The following NELL1 variants were observed in gnomAD, a reference collection of about 807,000 sequenced individuals.
The protein encoded by NELL1 is protein kinase C-binding protein NELL1.
Under a neutral mutation model 107.4 loss-of-function variants are expected in NELL1, and 76 were observed. The ratio of observed to expected loss-of-function variants is 0.71; its 90% CI spans 0.59 to 0.86. NELL1 has a LOEUF of 0.86. Among genes scored for constraint, NELL1 ranks in the 40% least tolerant of loss-of-function variants. The pLI, the probability that NELL1 is intolerant of heterozygous loss-of-function variation, is 0.00. For synonymous variants in NELL1, 353 were observed against 341.2 expected (o/e 1.03, Z -0.38); for missense variants, 1,024 against 1,005.5 (o/e 1.02, Z -0.25).
chr11:20,945,330 C>T (rs1263240606), intron 10 of NELL1, among the ~76,000 whole-genome samples: 1 of 152,208 alleles, frequency 6.6e-6, no homozygotes, highest in East Asian at 1.9e-4. Context: ...TGTCTCTCTT[C>T]GAGGTAAAGA....
intron 15 of NELL1, among the ~76,000 whole-genome samples, chr11:21,485,586 A>G (rs1854605965): frequency 6.6e-6 from 1 of 151,088 alleles, no homozygotes; most frequent in Admixed American, 6.6e-5. Context: ...GAGCTGCTGT[A>G]GGACCGAGGT....
At chr11:21,140,893 T>C (rs1017953373) in intron 13 of NELL1, among the ~76,000 whole-genome samples, 3 of 152,102 alleles carry the variant, frequency 2.0e-5, no homozygotes, top group African/African-American at 7.2e-5. Context: ...TAAACCCTGA[T>C]CATCAGACTC....
intron 2 of NELL1, among the ~76,000 whole-genome samples, chr11:20,716,390 C>T (rs775621572): frequency 3.3e-5 from 5 of 152,250 alleles, no homozygotes; most frequent in Non-Finnish European, 7.3e-5. Context: ...AACCCTGTAG[C>T]TGTCTCTCAG....
intron 12 of NELL1, among the ~76,000 whole-genome samples, chr11:20,985,090 G>A: frequency 6.6e-6 from 1 of 152,062 alleles, no homozygotes; most frequent in Non-Finnish European, 1.5e-5. Context: ...ATTAAACTGG[G>A]TCAAGTTAAT....
chr11:21,395,184 A>G (rs915500962), intron 15 of NELL1, among the ~76,000 whole-genome samples: 1 of 151,512 alleles, frequency 6.6e-6, no homozygotes, highest in African/African-American at 2.4e-5. Flanking sequence ...AGGAAGGAGA[A>G]ATCTAGAAGA....
At chr11:20,880,511 G>A (rs918522251) in intron 4 of NELL1, among the ~76,000 whole-genome samples, 8 of 152,118 alleles carry the variant, frequency 5.3e-5, no homozygotes, top group South Asian at 4.1e-4. Context: ...AGTAGACTGC[G>A]GAACTGCGAT....
intron 14 of NELL1, among the ~76,000 whole-genome samples, chr11:21,254,394 G>A (rs1858717476): frequency 6.6e-6 from 1 of 152,012 alleles, no homozygotes; most frequent in African/African-American, 2.4e-5. Context: ...TTAATAGGTG[G>A]CTTAAAAAAT....
chr11:20,831,988 C>T (rs958763649), intron 3 of NELL1, among the ~76,000 whole-genome samples: 3 of 152,120 alleles, frequency 2.0e-5, no homozygotes, highest in Admixed American at 1.3e-4. Context: ...GGGAATTCAG[C>T]GTAGGGGGTG....
intron 15 of NELL1, among the ~76,000 whole-genome samples, chr11:21,532,071 A>G (rs1025409287): frequency 1.3e-5 from 2 of 152,212 alleles, no homozygotes; most frequent in Non-Finnish European, 2.9e-5. Context: ...AGAAATGTAC[A>G]GCCTAGGCAC....
At position 21,485,051 on chromosome 11, in the gene NELL1, G is replaced by A. The variant is rs547251050; in HGVS notation, c.1646-49323G>A. Reference sequence around the variant, plus strand: ...CATAAGGAAAGGGTGAGTGAGTGACGTCAGGGTTTCATATACTTGCCATGT... The same window carrying A: ...CATAAGGAAAGGGTGAGTGAGTGACATCAGGGTTTCATATACTTGCCATGT... On this transcript the variant is annotated intron_variant, in intron 15 of 19. Coordinates refer to ENST00000357134, the MANE Select transcript of NELL1 (RefSeq NM_006157.5). Among the ~76,000 whole-genome samples, 11 of 152,252 alleles carry A rather than the reference G, an allele frequency of 7.2e-5. No homozygotes were observed. In the South Asian group the frequency reaches 1.9e-3, roughly 26 times the overall value.
intron 12 of NELL1, among the ~76,000 whole-genome samples, chr11:20,963,388 T>A (rs1851327668): frequency 6.6e-6 from 1 of 152,144 alleles, no homozygotes; most frequent in Non-Finnish European, 1.5e-5. Context: ...GAGAATGAGA[T>A]GGCCATCACT....
Position 20,755,890 on chromosome 11 carries a change from T to G in NELL1, c.185-27790T>G, listed in dbSNP as rs797014832. 2.9e-3 allele frequency among the ~76,000 whole-genome samples: 386 copies of G among 131,710 alleles called. 2 individuals are homozygous for G. Among genetic ancestry groups the G allele is most frequent in the African/African-American group, 0.012 (345 of 28,462 alleles). The allele number at this position is 131,710 out of a possible 152,430, so 86.4% of individuals were successfully genotyped here. Reference sequence around the variant, plus strand: ...GTTTTTTTTTTTTTTTTTTTTTTTTTTTTTTTTTTTTTTTTTTTATGAGAC... The same window carrying G: ...GTTTTTTTTTTTTTTTTTTTTTTTTGTTTTTTTTTTTTTTTTTTATGAGAC... On this transcript the variant is annotated intron_variant, in intron 2 of 19. Transcript: ENST00000357134.
chr11:21,432,290 T>G (rs1366788640), intron 15 of NELL1, among the ~76,000 whole-genome samples: 1 of 152,136 alleles, frequency 6.6e-6, no homozygotes, highest in Non-Finnish European at 1.5e-5. Flanking sequence ...TCCCTAAAGA[T>G]AGCTATGAAA....
chr11:21,394,923 T>C (rs1851949059), intron 15 of NELL1, among the ~76,000 whole-genome samples: 1 of 151,494 alleles, frequency 6.6e-6, no homozygotes, highest in Admixed American at 6.6e-5. Context: ...ATCACTAGTT[T>C]CTTATATGTA....
intron 13 of NELL1, among the ~76,000 whole-genome samples, chr11:21,125,540 G>C (rs1244853081): frequency 2.0e-5 from 3 of 152,078 alleles, no homozygotes; most frequent in African/African-American, 7.2e-5. Flanking sequence ...GTCTCTTTGG[G>C]AGACATAAAA....
intron 15 of NELL1, among the ~76,000 whole-genome samples, chr11:21,472,212 G>C (rs551620912): frequency 6.6e-6 from 1 of 152,088 alleles, no homozygotes; most frequent in East Asian, 1.9e-4. Context: ...GTGGCTCACT[G>C]TTCAGCAAAT....
chr11:21,244,914 GATA>G (rs1590767459), intron 14 of NELL1, among the ~76,000 whole-genome samples: 2 of 152,248 alleles, frequency 1.3e-5, no homozygotes, highest in African/African-American at 4.8e-5. Context: ...TACAACTGGG[GATA>G]ATAATTGTGT....
At chr11:21,281,024 A>G (rs956649576) in intron 14 of NELL1, among the ~76,000 whole-genome samples, 1 of 151,608 alleles carries the variant, frequency 6.6e-6, no homozygotes, top group Non-Finnish European at 1.5e-5. Flanking sequence ...CCCAGGCTGC[A>G]CAGCTTACAG....
chr11:20,752,996 A>T (rs540325157), intron 2 of NELL1, among the ~76,000 whole-genome samples: 27 of 152,360 alleles, frequency 1.8e-4, no homozygotes, highest in African/African-American at 6.5e-4. Context: ...TCCTTATTTG[A>T]TTCAATTTTT....
Sources: allele counts gnomAD v4.1 joint callset (sites outside exome capture counted in the v4.1 genomes callset), GRCh38; gene constraint gnomAD v4.1.1; transcripts MANE v1.5; gene names NCBI Gene and HGNC (gene_info 2026-07-23, HGNC 2026-07-21).